The following ADARB2 variants were observed in gnomAD, a reference collection of about 807,000 sequenced individuals.
ADARB2 encodes inactive double-stranded RNA-specific editase B2.
A neutral mutation model predicts 62.2 loss-of-function variants in ADARB2; 25 were observed. The ratio of observed to expected loss-of-function variants is 0.40; its 90% confidence interval spans 0.29 to 0.56. The LOEUF is 0.56. Ranked by LOEUF, ADARB2 falls within the 20% of genes least tolerant of loss-of-function variation. The pLI is 0.43. For synonymous variants in ADARB2, 572 were observed against 500.8 expected (o/e 1.14, Z -1.90); for missense variants, 1,071 against 1,077.4 (o/e 0.99, Z 0.08).
In ADARB2 at chr10:1,426,202, C is replaced by T. The variant is rs2131887511; in HGVS notation, c.101-47042G>A. ...TAAAATATGGAGGTATTTTGGGCTC[C>T]CTGGTGAGAGGTGAGGCCAAGCAAT... On this transcript the variant is annotated intron_variant, in intron 1 of 9. Transcript: ENST00000381312. The surrounding 1 kb of genome is among the most constrained non-coding windows in gnomAD (Gnocchi z 4.1). Among the ~76,000 whole-genome samples, 1 of 152,074 alleles carries T rather than the reference C, an allele frequency of 6.6e-6. No homozygotes were observed. Among genetic ancestry groups the T allele is most frequent in the East Asian group, 1.9e-4 (1 of 5,152 alleles).
At chr10:1,537,265 C>A (rs1031294246) in intron 1 of ADARB2, among the ~76,000 whole-genome samples, 2 of 152,210 alleles carry the variant, frequency 1.3e-5, no homozygotes, top group Non-Finnish European at 2.9e-5. Context: ...CACTGAGATG[C>A]CATCTCATGC....
At chr10:1,714,793 G>A (rs1048119344) in intron 1 of ADARB2, among the ~76,000 whole-genome samples, 76 of 152,170 alleles carry the variant, frequency 5.0e-4, no homozygotes, top group African/African-American at 1.7e-3. Flanking sequence ...TCACTGGACA[G>A]CCCATTGGAA....
At chr10:1,442,585 G>A (rs1479507863) in intron 1 of ADARB2, among the ~76,000 whole-genome samples, 1 of 152,120 alleles carries the variant, frequency 6.6e-6, no homozygotes, top group East Asian at 1.9e-4. Context: ...GCTCACCCAA[G>A]TGCTACCCCG....
chr10:1,684,805 G>A (rs1834579588), intron 1 of ADARB2, among the ~76,000 whole-genome samples: 3 of 152,164 alleles, frequency 2.0e-5, no homozygotes. Context: ...TTCATAAATG[G>A]GCAGCAGAGC....
intron 3 of ADARB2, among the ~76,000 whole-genome samples, chr10:1,340,338 C>T (rs367807945): frequency 0.055 from 2,829 of 51,716 alleles, 2 homozygotes; most frequent in Middle Eastern, 0.077. Context: ...GAGAACCACG[C>T]GCCCCACAGC....
At chr10:1,683,852 C>T (rs576742219) in intron 1 of ADARB2, among the ~76,000 whole-genome samples, 2 of 152,300 alleles carry the variant, frequency 1.3e-5, no homozygotes, top group South Asian at 2.1e-4. Flanking sequence ...GGGCTGAGTC[C>T]GAGGCCGGAT....
intron 1 of ADARB2, among the ~76,000 whole-genome samples, chr10:1,653,426 T>C (rs1447985241): frequency 2.0e-5 from 3 of 152,124 alleles, no homozygotes; most frequent in Non-Finnish European, 4.4e-5. Flanking sequence ...GTAGGCTCTG[T>C]GGGGTCCCAG....
chr10:1,577,567 C>G (rs1305077037), intron 1 of ADARB2, among the ~76,000 whole-genome samples: 1 of 152,236 alleles, frequency 6.6e-6, no homozygotes, highest in Non-Finnish European at 1.5e-5. Context: ...GGCCTCCGAC[C>G]AGGGCTGGCA....
intron 1 of ADARB2, among the ~76,000 whole-genome samples, chr10:1,416,407 G>A (rs1291246683): frequency 6.6e-6 from 1 of 152,244 alleles, no homozygotes; most frequent in Non-Finnish European, 1.5e-5. Flanking sequence ...TTGCACTTCA[G>A]TTATAGCTGG....
rs1438441932 is a variant in ADARB2, at chr10:1,541,999, C to G, written c.101-162839G>C. Among the ~76,000 whole-genome samples, 4 of 47,814 alleles carry G rather than the reference C, an allele frequency of 8.4e-5. 1 individual carries two copies. The highest frequency in any genetic ancestry group is 3.4e-4 in the African/African-American group (4 of 11,724). 31.4% of individuals were successfully genotyped at this position (47,814 alleles called of 152,430 possible). A position where few individuals can be genotyped will look rare whatever the true frequency, so the allele number is the denominator to read the frequency against. ...AGACTCCACTCAGACGTAGTTCAGA[C>G]CCTGGATCACAGCCGTCCAGACCCC... On this transcript the variant is annotated intron_variant, in intron 1 of 9. Transcript: ENST00000381312.
chr10:1,385,983 A>C (rs1832521960), intron 1 of ADARB2, among the ~76,000 whole-genome samples: 1 of 152,132 alleles, frequency 6.6e-6, no homozygotes, highest in South Asian at 2.1e-4. Context: ...TTTAAATACA[A>C]GATAATGACA....
At chr10:1,403,658 G>T (rs549532623) in intron 1 of ADARB2, among the ~76,000 whole-genome samples, 3 of 152,156 alleles carry the variant, frequency 2.0e-5, no homozygotes, top group African/African-American at 7.2e-5. Context: ...GGCCCCGGGC[G>T]TAGCTGATCT....
intron 5 of ADARB2, 92 bp downstream of exon 5, chr10:1,242,039 G>A (rs905277148): frequency 4.5e-5 from 60 of 1,339,364 alleles, no homozygotes; most frequent in East Asian, 5.0e-5. Context: ...AGAGGGAAGC[G>A]TGTTCTGAGC....
chr10:1,445,991 T>A (rs72762989), intron 1 of ADARB2, among the ~76,000 whole-genome samples: 11,055 of 152,302 alleles, frequency 0.073, 617 homozygotes, highest in East Asian at 0.23. Context: ...ACATAAACTC[T>A]CTCTCACCAT....
intron 1 of ADARB2, among the ~76,000 whole-genome samples, chr10:1,583,491 G>T (rs567531547): frequency 1.5e-4 from 23 of 152,270 alleles, no homozygotes; most frequent in Admixed American, 4.6e-4. Flanking sequence ...GGTCAACAAA[G>T]AACTCAGCCC....
intron 1 of ADARB2, among the ~76,000 whole-genome samples, chr10:1,610,251 G>A (rs1164707977): frequency 3.9e-5 from 6 of 152,088 alleles, no homozygotes; most frequent in Non-Finnish European, 8.8e-5. Flanking sequence ...TCTGCTGCTC[G>A]CCTCCAGCCT....
chr10:1,438,862 CCCCAGGA>C (rs1830867436), intron 1 of ADARB2, among the ~76,000 whole-genome samples: 1 of 62,736 alleles, frequency 1.6e-5, no homozygotes, highest in African/African-American at 6.5e-5. Context: ...TCTGAGTCTC[CCCCAGGA>C]TGGAGGCAGG....
intron 1 of ADARB2, among the ~76,000 whole-genome samples, chr10:1,731,165 T>C (rs1299168438): frequency 6.6e-6 from 1 of 152,198 alleles, no homozygotes; most frequent in African/African-American, 2.4e-5. Context: ...TCTAAGTTGC[T>C]AATATTTGGA....
chr10:1,331,313 T>A (rs1029854306), intron 3 of ADARB2, among the ~76,000 whole-genome samples: 1 of 152,224 alleles, frequency 6.6e-6, no homozygotes, highest in African/African-American at 2.4e-5. Context: ...GTGTTCACAG[T>A]GGCAATATTC....
Sources: allele counts gnomAD v4.1 joint callset (sites outside exome capture counted in the v4.1 genomes callset), GRCh38; gene constraint gnomAD v4.1.1; non-coding constraint Gnocchi (gnomAD v3.1); transcripts MANE v1.5; gene names NCBI Gene and HGNC (gene_info 2026-07-23, HGNC 2026-07-21).